SLC2A13: variants seen among roughly 807,000 people sequenced by gnomAD.
SLC2A13 encodes the protein proton myo-inositol cotransporter.
In SLC2A13, 32 loss-of-function variants were observed where a neutral mutation model predicts 64.4. That is an observed-to-expected ratio of 0.50 (90% confidence interval 0.37 to 0.67). SLC2A13 has a LOEUF of 0.67. Among genes scored for constraint, SLC2A13 ranks in the 30% least tolerant of loss-of-function variants. The probability of loss-of-function intolerance (pLI) is 0.00; values close to 1 mark genes in which losing one functional copy is unlikely to be tolerated. For synonymous variants in SLC2A13, 338 were observed against 327.1 expected (o/e 1.03, Z -0.36); for missense variants, 743 against 829.2 (o/e 0.90, Z 1.28).
chr12:40,030,995 C>T (rs557943686), intron 2 of SLC2A13, among the ~76,000 whole-genome samples: 41 of 152,236 alleles, frequency 2.7e-4, no homozygotes, highest in African/African-American at 8.7e-4. Context: ...ATGTTTTATA[C>T]GTTTGTATCC....
chr12:40,029,622 T>C (rs1947874597), intron 2 of SLC2A13, among the ~76,000 whole-genome samples: 1 of 152,192 alleles, frequency 6.6e-6, no homozygotes, highest in Admixed American at 6.5e-5. Context: ...TCTGCTATTT[T>C]CCAAGCAATT....
At chr12:39,918,488 C>T (rs1022264861) in intron 4 of SLC2A13, among the ~76,000 whole-genome samples, 2 of 151,352 alleles carry the variant, frequency 1.3e-5, no homozygotes, top group Admixed American at 6.6e-5. Context: ...ATGAAAAGAT[C>T]TGCTTGATAG....
At chr12:39,901,584 T>C (rs1246610916) in intron 4 of SLC2A13, among the ~76,000 whole-genome samples, 41 of 122,042 alleles carry the variant, frequency 3.4e-4, no homozygotes, top group African/African-American at 1.2e-3. Flanking sequence ...AAAAAACACA[T>C]GAAAAAATGC....
chr12:40,017,976 TAAAAAAA>T (rs5797648), intron 3 of SLC2A13, among the ~76,000 whole-genome samples: 1 of 128,564 alleles, frequency 7.8e-6, no homozygotes, highest in South Asian at 2.6e-4. Flanking sequence ...TGCACATATT[TAAAAAAA>T]AAAAAAAAAA....
chr12:39,828,630 T>G (rs938326074), intron 7 of SLC2A13, among the ~76,000 whole-genome samples: 12 of 152,060 alleles, frequency 7.9e-5, no homozygotes, highest in African/African-American at 2.9e-4. Flanking sequence ...AAATTAATTA[T>G]GTAAAATACA....
rs1163756082 is a variant in SLC2A13, at chr12:40,105,961, C to T, written c.-153G>A. 4.2e-6 allele frequency: 4 copies of T among 948,044 alleles called. No homozygotes were observed. The highest frequency in any genetic ancestry group is 5.6e-6 in the Non-Finnish European group (4 of 714,710). 58.7% of individuals were successfully genotyped at this position (948,044 alleles called of 1,614,324 possible). On this transcript the variant is annotated 5_prime_UTR_variant, in exon 1 of 10. Transcript: ENST00000280871. This position sits in a 1 kb window ranked among gnomAD's most constrained non-coding sequence, Gnocchi z 4.2. Reference sequence around the variant, plus strand: ...CGGCTGCCACGGCAGCAGCCGCCGCCACGGCCGCTCCGGGGAGAAAGTTGC... The same window carrying T: ...CGGCTGCCACGGCAGCAGCCGCCGCTACGGCCGCTCCGGGGAGAAAGTTGC...
intron 1 of SLC2A13, among the ~76,000 whole-genome samples, chr12:40,051,949 GT>G (rs1948264827): frequency 6.6e-6 from 1 of 152,160 alleles, no homozygotes. Flanking sequence ...GAAGCAACAC[GT>G]ACAGTGGCAG....
At chr12:39,982,453 T>C (rs1233019126) in intron 3 of SLC2A13, among the ~76,000 whole-genome samples, 1 of 151,020 alleles carries the variant, frequency 6.6e-6, no homozygotes, top group Admixed American at 6.6e-5. Context: ...AAAATCTCCT[T>C]AAGCTGATAA....
chr12:40,021,691 G>A (rs1947721644), intron 3 of SLC2A13, among the ~76,000 whole-genome samples: 1 of 152,122 alleles, frequency 6.6e-6, no homozygotes, highest in Non-Finnish European at 1.5e-5. Context: ...AGTTCACCTA[G>A]TAAATGACAT....
At chr12:39,905,960 T>C (rs982618629) in intron 4 of SLC2A13, among the ~76,000 whole-genome samples, 1 of 152,130 alleles carries the variant, frequency 6.6e-6, no homozygotes, top group African/African-American at 2.4e-5. Context: ...GTATAAAAAG[T>C]ATATTCCTAA....
At chr12:39,921,313 C>G (rs1945611969) in intron 4 of SLC2A13, among the ~76,000 whole-genome samples, 1 of 152,156 alleles carries the variant, frequency 6.6e-6, no homozygotes, top group Middle Eastern at 3.4e-3. Flanking sequence ...GTTGGCGAGT[C>G]TTTCTAAAGC....
At chr12:40,069,640 A>G (rs755332393) in intron 1 of SLC2A13, among the ~76,000 whole-genome samples, 4 of 148,832 alleles carry the variant, frequency 2.7e-5, no homozygotes, top group East Asian at 1.9e-4. Context: ...ACCATGGTTG[A>G]AAAAAAAAAG....
At chr12:40,095,959 G>C (rs1032510359) in intron 1 of SLC2A13, among the ~76,000 whole-genome samples, 3 of 152,114 alleles carry the variant, frequency 2.0e-5, no homozygotes, top group African/African-American at 7.2e-5. Flanking sequence ...TCTTGAGACG[G>C]AGTCTCGCTC....
intron 4 of SLC2A13, among the ~76,000 whole-genome samples, chr12:39,914,370 T>C (rs1199764759): frequency 6.6e-6 from 1 of 151,964 alleles, no homozygotes; most frequent in Non-Finnish European, 1.5e-5. Context: ...GAAAACCCAG[T>C]AAAACATGAG....
intron 4 of SLC2A13, among the ~76,000 whole-genome samples, chr12:39,905,459 T>C (rs968025015): frequency 6.6e-6 from 1 of 152,182 alleles, no homozygotes; most frequent in African/African-American, 2.4e-5. Flanking sequence ...ATCATCATGA[T>C]TTTAATTAAG....
chr12:39,835,532 G>A (rs554526683), intron 6 of SLC2A13: 35 of 152,210 alleles, frequency 2.3e-4, no homozygotes, highest in South Asian at 1.2e-3. Flanking sequence ...ATAAAATGGA[G>A]TTCTCCTTAT....
intron 3 of SLC2A13, among the ~76,000 whole-genome samples, chr12:40,008,790 T>C: frequency 6.6e-6 from 1 of 152,064 alleles, no homozygotes; most frequent in East Asian, 1.9e-4. Context: ...TATAACACCA[T>C]GAGATAAATG....
chr12:39,772,846 G>T (rs1360688383), intron 7 of SLC2A13, among the ~76,000 whole-genome samples: 1 of 140,334 alleles, frequency 7.1e-6, no homozygotes, highest in Non-Finnish European at 1.6e-5. Flanking sequence ...ACGTTTACAT[G>T]TGCAAAAAAA....
intron 7 of SLC2A13, among the ~76,000 whole-genome samples, chr12:39,822,624 C>T (rs947627674): frequency 2.0e-5 from 3 of 152,216 alleles, no homozygotes; most frequent in African/African-American, 7.2e-5. Context: ...TTATCTTACA[C>T]TCACCATGCA....
Sources: allele counts gnomAD v4.1 joint callset (sites outside exome capture counted in the v4.1 genomes callset), GRCh38; gene constraint gnomAD v4.1.1; non-coding constraint Gnocchi (gnomAD v3.1); transcripts MANE v1.5; gene names NCBI Gene and HGNC (gene_info 2026-07-23, HGNC 2026-07-21).